STAU2: variants seen among roughly 807,000 people sequenced by gnomAD.
STAU2 encodes the protein double-stranded RNA-binding protein Staufen homolog 2.
A neutral mutation model predicts 65.9 loss-of-function variants in STAU2; 20 were observed. That is an observed-to-expected ratio of 0.30 (90% CI 0.21 to 0.44). The LOEUF (loss-of-function observed/expected upper bound fraction) is 0.44, where lower values mean the gene tolerates loss of function less well. STAU2 is among the 20% of genes least tolerant of loss of function. The pLI is 1.00. For synonymous variants in STAU2, 232 were observed against 233.9 expected, an observed-to-expected ratio of 0.99 and a Z score of 0.07; for missense variants, 558 against 683.9, an observed-to-expected ratio of 0.82 and a Z score of 2.05.
rs1475217073 is a variant in STAU2 at position 73,570,364 on chromosome 8, T to C, written c.1222+12406A>G. ...GTGTACCTGAAAGTGACGGGGGGAA[T>C]GGAACCAAGTTGGAAAACACTCTGC... On this transcript the variant is annotated intron_variant, in intron 12 of 14. Coordinates refer to ENST00000524300, the MANE Select transcript of STAU2 (RefSeq NM_001164380.2). Among the ~76,000 whole-genome samples, 5 of 151,478 alleles carry C rather than the reference T, an allele frequency of 3.3e-5. No individual in the cohort carries two copies. The East Asian group carries it at 5.8e-4, about 18-fold the overall frequency.
intron 6 of STAU2, among the ~76,000 whole-genome samples, chr8:73,663,915 T>C (rs1208460287): frequency 6.6e-6 from 1 of 152,224 alleles, no homozygotes; most frequent in Non-Finnish European, 1.5e-5. Context: ...ATTCAGTAGC[T>C]TTTCAGTACT....
At chr8:73,537,099 T>G (rs970938083) in intron 13 of STAU2, among the ~76,000 whole-genome samples, 5 of 152,002 alleles carry the variant, frequency 3.3e-5, no homozygotes, top group African/African-American at 1.2e-4. Flanking sequence ...ACAAGGTAAC[T>G]CAGTAGAAGG....
intron 13 of STAU2, among the ~76,000 whole-genome samples, chr8:73,464,731 A>C (rs1819557524): frequency 6.6e-6 from 1 of 152,248 alleles, no homozygotes; most frequent in Admixed American, 6.5e-5. Context: ...CAGAATAATC[A>C]AAGGAAAGAT....
At chr8:73,438,152 A>G (rs1817853042) in intron 13 of STAU2, among the ~76,000 whole-genome samples, 1 of 152,036 alleles carries the variant, frequency 6.6e-6, no homozygotes, top group Non-Finnish European at 1.5e-5. Flanking sequence ...TATTTCCCTC[A>G]TAGCACTTGT....
intron 3 of STAU2, among the ~76,000 whole-genome samples, chr8:73,732,306 G>A (rs749238659): frequency 1.3e-5 from 2 of 152,204 alleles, no homozygotes; most frequent in African/African-American, 4.8e-5. Flanking sequence ...AGGGGAAGGA[G>A]GTGGAGCCAC....
intron 13 of STAU2, chr8:73,549,897 T>G (rs979438743): frequency 1.0e-6 from 1 of 985,664 alleles, no homozygotes; most frequent in African/African-American, 1.7e-5. Context: ...AATTAAAACA[T>G]TTAAGTAATA....
chr8:73,533,278 C>T lies in STAU2; in HGVS notation c.1530+18734G>A, dbSNP rs1805945898. Among the ~76,000 whole-genome samples, 3 of 152,124 alleles carry T rather than the reference C, an allele frequency of 2.0e-5. No homozygotes were observed. The South Asian group carries it at 6.2e-4, about 32-fold the overall frequency. ...CTATAAATTGATATTTTGTTTCTTT[C>T]TCATGAATTTACAAAAACTATTCCA... On this transcript the variant is annotated intron_variant, in intron 13 of 14. Transcript: ENST00000524300.
At chr8:73,712,584 G>C (rs1053948998) in intron 3 of STAU2, among the ~76,000 whole-genome samples, 2 of 152,178 alleles carry the variant, frequency 1.3e-5, no homozygotes, top group Admixed American at 1.3e-4. Context: ...AAAAAGTCAT[G>C]AAAAAAGTTT....
chr8:73,733,105 C>T (rs532309764), intron 3 of STAU2, among the ~76,000 whole-genome samples: 11 of 151,860 alleles, frequency 7.2e-5, no homozygotes, highest in African/African-American at 9.7e-5. Flanking sequence ...TCCTTCGACA[C>T]GGAAAAATTC....
chr8:73,603,957 A>G lies in STAU2; in HGVS notation c.892-94T>C, dbSNP rs189768301. On this transcript the variant is annotated intron_variant, in intron 9 of 14. Transcript: ENST00000524300. ...CAGTGCTTCTTCCCTCCACCCCCAC[A>G]CCCCAAAACTGTGACTAGAAAAGAT... 212 of 1,295,074 alleles carry G rather than the reference A, an allele frequency of 1.6e-4. No individual in the cohort carries two copies. In the African/African-American group the frequency reaches 2.9e-3, roughly 18 times the overall value. 80.2% of individuals were successfully genotyped at this position (1,295,074 alleles called of 1,614,324 possible). A position where few individuals can be genotyped will look rare whatever the true frequency, so the allele number is the denominator to read the frequency against.
At chr8:73,735,434 C>T (rs1188919050) in intron 3 of STAU2, among the ~76,000 whole-genome samples, 2 of 152,182 alleles carry the variant, frequency 1.3e-5, no homozygotes, top group Admixed American at 6.5e-5. Flanking sequence ...TCTAGGAATA[C>T]ACTTCTGTTA....
At chr8:73,474,417 G>A (rs143868486) in intron 13 of STAU2, among the ~76,000 whole-genome samples, 180 of 152,284 alleles carry the variant, frequency 1.2e-3, no homozygotes, top group African/African-American at 4.0e-3. Context: ...AGGAAAGAGC[G>A]CTAGAAAAAG....
chr8:73,505,055 C>T (rs762274985), intron 13 of STAU2, among the ~76,000 whole-genome samples: 3 of 152,030 alleles, frequency 2.0e-5, no homozygotes, highest in Non-Finnish European at 4.4e-5. Flanking sequence ...CCTAATTTCT[C>T]ACTGTGGCTA....
chr8:73,687,042 G>A lies in STAU2; in HGVS notation c.274+1612C>T, dbSNP rs190030969. The stretch of plus-strand genomic sequence containing the variant: ...TAAGTAGTGGGGACTACAGGCACGC[G>A]CCACCATGCCCAGCCAATTTTTGTA... On this transcript the variant is annotated intron_variant, in intron 5 of 14. Transcript: ENST00000524300. Among the ~76,000 whole-genome samples, 398 of 148,966 alleles carry A rather than the reference G, an allele frequency of 2.7e-3. 5 individuals are homozygous for A. The highest frequency in any genetic ancestry group is 0.021 in the Admixed American group (312 of 14,862).
At chr8:73,509,283 C>G (rs1822249007) in intron 13 of STAU2, among the ~76,000 whole-genome samples, 1 of 152,064 alleles carries the variant, frequency 6.6e-6, no homozygotes, top group African/African-American at 2.4e-5. Context: ...TATTAGCCAA[C>G]TGTATATTTT....
At chr8:73,556,406 C>T (rs145435325) in intron 12 of STAU2, among the ~76,000 whole-genome samples, 61 of 152,216 alleles carry the variant, frequency 4.0e-4, no homozygotes, top group Admixed American at 1.2e-3. Context: ...CAATATCAGA[C>T]GCCCACAGAG....
intron 13 of STAU2, among the ~76,000 whole-genome samples, chr8:73,539,602 G>C (rs573518700): frequency 1.3e-5 from 2 of 152,234 alleles, no homozygotes; most frequent in Admixed American, 1.3e-4. Flanking sequence ...CAGCACTTTG[G>C]GAGGCCAAGG....
At chr8:73,438,479 C>T (rs1428872125) in intron 13 of STAU2, among the ~76,000 whole-genome samples, 2 of 152,216 alleles carry the variant, frequency 1.3e-5, no homozygotes, top group African/African-American at 2.4e-5. Context: ...CGCAAAGCCA[C>T]TCAGATTGGC....
intron 6 of STAU2, among the ~76,000 whole-genome samples, chr8:73,635,748 C>T (rs1814444394): frequency 6.6e-6 from 1 of 151,838 alleles, no homozygotes; most frequent in African/African-American, 2.4e-5. Context: ...TTGCTTGAAC[C>T]CAGGAGGCAG....
Sources: allele counts gnomAD v4.1 joint callset (sites outside exome capture counted in the v4.1 genomes callset), GRCh38; gene constraint gnomAD v4.1.1; transcripts MANE v1.5; gene names NCBI Gene and HGNC (gene_info 2026-07-23, HGNC 2026-07-21).